PYGL: variants seen among roughly 807,000 people sequenced by gnomAD.
The protein encoded by PYGL is glycogen phosphorylase, liver form.
Under a neutral mutation model 100.1 loss-of-function variants are expected in PYGL, and 90 were observed. The observed-to-expected ratio is 0.90, with a 90% confidence interval of 0.76 to 1.07. The LOEUF is 1.07. Among genes scored for constraint, PYGL ranks in the 50% least tolerant of loss-of-function variants. PYGL has a pLI of 0.00. For synonymous variants in PYGL, 373 were observed against 393.0 expected, an observed-to-expected ratio of 0.95 and a Z score of 0.60; for missense variants, 1,016 against 1,057.6, an observed-to-expected ratio of 0.96 and a Z score of 0.55.
At chr14:50,920,901 C>G (rs1461135322) in intron 6 of PYGL, 55 bp downstream of exon 6, 1 of 1,512,600 alleles carries the variant, frequency 6.6e-7, no homozygotes, top group African/African-American at 1.4e-5. Flanking sequence ...TTCTAACTAC[C>G]AATCAAAAAG....
chr14:50,929,035 T>TTTATC, intron 4 of PYGL, among the ~76,000 whole-genome samples: 1 of 152,168 alleles, frequency 6.6e-6, no homozygotes. Context: ...TTTATTTTCT[T>TTTATC]TTATCTTATT....
chr14:50,908,913 C>T lies in PYGL; in HGVS notation c.2220G>A (p.Lys740=). 8 of 1,552,882 alleles carry T rather than the reference C, an allele frequency of 5.2e-6. No individual in the cohort carries two copies. The highest frequency in any genetic ancestry group is 7.0e-6 in the Non-Finnish European group (8 of 1,139,006). The stretch of plus-strand genomic sequence containing the variant: ...CATTGTCAATTTGATCAATGACCAG[C>T]TTCAGCTCTGGAAGTGCCTCATAGT... ...KEYYEALPEL[K]LVIDQIDNGF... The change falls in exon 18 of 20, where the codon AAG becomes AAA. Residue 740 remains lysine, a synonymous_variant. Coordinates refer to ENST00000216392, the MANE Select transcript of PYGL (RefSeq NM_002863.5).
Position 50,908,327 on chromosome 14 carries a change from A to G in PYGL, c.2323T>C (p.Phe775Leu), listed in dbSNP as rs780818141. Reference protein sequence around the residue: ...MLFYHDRFKVFADYEAYVKCQ... With the variant: ...MLFYHDRFKVLADYEAYVKCQ... Reference sequence around the variant, plus strand: ...TTGACATAGGCTTCGTAGTCTGCAAAGACTTTAAACCTTTTATTTTGTGAG... The same window carrying G: ...TTGACATAGGCTTCGTAGTCTGCAAGGACTTTAAACCTTTTATTTTGTGAG... The change falls in exon 19 of 20, where the codon TTT becomes CTT. Residue 775 changes from phenylalanine (F) to leucine (L), a missense_variant. Coordinates refer to ENST00000216392, the MANE Select transcript of PYGL (RefSeq NM_002863.5). 6.3e-7 allele frequency: 1 copy of G among 1,599,404 alleles called. No homozygotes were observed. Among genetic ancestry groups the G allele is most frequent in the South Asian group, 1.1e-5 (1 of 90,808 alleles).
At chr14:50,940,693 C>G (rs1166591164) in intron 1 of PYGL, among the ~76,000 whole-genome samples, 1 of 152,004 alleles carries the variant, frequency 6.6e-6, no homozygotes, top group Non-Finnish European at 1.5e-5. Context: ...ATGAGCATCT[C>G]CAATATACTT....
intron 7 of PYGL, among the ~76,000 whole-genome samples, chr14:50,919,069 C>A (rs1416341429): frequency 6.6e-6 from 1 of 152,182 alleles, no homozygotes; most frequent in Non-Finnish European, 1.5e-5. Context: ...AAACATGATC[C>A]TGAGAACTCC....
In PYGL at chr14:50,923,837, A is replaced by G. The variant is rs572371043; in HGVS notation, c.660+132T>C. On this transcript the variant is annotated intron_variant, in intron 5 of 19. Transcript: ENST00000216392. ...TAAGAGAAGTAACAGATTTATTTAC[A>G]AAAATATATTCTATTATTCAAAACA... is the stretch of plus-strand genomic sequence containing the variant. 1.0e-5 allele frequency: 12 copies of G among 1,187,188 alleles called. No homozygotes were observed. In the African/African-American group the frequency reaches 1.8e-4, roughly 18 times the overall value. The allele number at this position is 1,187,188 out of a possible 1,614,324, so 73.5% of individuals were successfully genotyped here.
chr14:50,914,657 G>C (rs2050428551), intron 12 of PYGL, 44 bp downstream of exon 12: 1 of 1,475,518 alleles, frequency 6.8e-7, no homozygotes. Context: ...TATGCCTCTT[G>C]CATTCGAGTC....
chr14:50,942,436 C>T (rs1276624928), intron 1 of PYGL, among the ~76,000 whole-genome samples: 1 of 140,136 alleles, frequency 7.1e-6, no homozygotes, highest in Non-Finnish European at 1.6e-5. Flanking sequence ...TGCTCAGTGT[C>T]CCACCCTTCC....
chr14:50,941,236 G>A (rs1244269332), intron 1 of PYGL, among the ~76,000 whole-genome samples: 1 of 152,178 alleles, frequency 6.6e-6, no homozygotes, highest in Non-Finnish European at 1.5e-5. Flanking sequence ...TGTAATTGAG[G>A]TCACATAAAA....
chr14:50,929,217 A>G (rs1303833555), intron 4 of PYGL, among the ~76,000 whole-genome samples: 1 of 151,850 alleles, frequency 6.6e-6, no homozygotes, highest in Non-Finnish European at 1.5e-5. Context: ...CTCCTGGCCA[A>G]TTTTTGTATT....
At position 50,914,684 on chromosome 14, in the gene PYGL, C is replaced by T. The variant is rs913018075; in HGVS notation, c.1518+17G>A. On this transcript the variant is annotated intron_variant, in intron 12 of 19. Transcript: ENST00000216392. ...ATTCGAGTCAGGCCTCCTTTCCTCTCAGCACTTCCCAGTTACCTCTGCTAT... is the reference window on the plus strand; with the variant it reads ...ATTCGAGTCAGGCCTCCTTTCCTCTTAGCACTTCCCAGTTACCTCTGCTAT... 4 of 1,592,462 alleles carry T rather than the reference C, an allele frequency of 2.5e-6. No homozygotes were observed. Among genetic ancestry groups the T allele is most frequent in the Non-Finnish European group, 3.4e-6 (4 of 1,160,692 alleles).
chr14:50,937,907 T>C, intron 1 of PYGL, 70 bp from the exon 2 acceptor site: 5 of 1,337,672 alleles, frequency 3.7e-6, no homozygotes, highest in Non-Finnish European at 5.3e-6. Context: ...AAACACAAGG[T>C]CATGTGTTAG....
Position 50,921,138 on chromosome 14 carries a change from G to A in PYGL, c.661-71C>T, listed in dbSNP as rs978986101. ...ATGACATAGGTTGAACAAGGGGCTG[G>A]GAGACTGCAATGGAATTCTATTCCT... On this transcript the variant is annotated intron_variant, in intron 5 of 19. Coordinates refer to ENST00000216392, the MANE Select transcript of PYGL (RefSeq NM_002863.5). 9.0e-6 allele frequency: 11 copies of A among 1,219,188 alleles called. No homozygotes were observed. The African/African-American group carries it at 1.6e-4, about 18-fold the overall frequency. 75.5% of individuals were successfully genotyped at this position (1,219,188 alleles called of 1,614,324 possible). A position where few individuals can be genotyped will look rare whatever the true frequency, so the allele number is the denominator to read the frequency against.
intron 1 of PYGL, among the ~76,000 whole-genome samples, chr14:50,940,666 G>A (rs1393378415): frequency 6.6e-6 from 1 of 152,052 alleles, no homozygotes; most frequent in African/African-American, 2.4e-5. Flanking sequence ...TGTTACATAT[G>A]ACTGATAGTA....
chr14:50,941,437 G>C (rs2050701012), intron 1 of PYGL, among the ~76,000 whole-genome samples: 1 of 152,184 alleles, frequency 6.6e-6, no homozygotes, highest in Non-Finnish European at 1.5e-5. Flanking sequence ...TGGGTAGCTA[G>C]AGCCTCACCA....
chr14:50,926,969 C>A lies in PYGL; in HGVS notation c.529-2869G>T, dbSNP rs73286812. 4.2e-3 allele frequency among the ~76,000 whole-genome samples: 635 copies of A among 152,204 alleles called. 4 individuals carry two copies. The highest frequency in any genetic ancestry group is 0.015 in the African/African-American group (615 of 41,528). On this transcript the variant is annotated intron_variant, in intron 4 of 19. Coordinates refer to ENST00000216392, the MANE Select transcript of PYGL (RefSeq NM_002863.5). ...GTTTGCCTCATTTCAGCATGCAGGG[C>A]TGTTGTAAAACCCATCTGAAGGTAT...
intron 5 of PYGL, among the ~76,000 whole-genome samples, chr14:50,922,432 A>C (rs1306040459): frequency 6.6e-6 from 1 of 152,248 alleles, no homozygotes; most frequent in African/African-American, 2.4e-5. Flanking sequence ...AAGAGATAAA[A>C]GTCTCTGGAC....
chr14:50,915,825 A>G lies in PYGL; in HGVS notation c.1239T>C (p.Asp413=), dbSNP rs765994166. 3.7e-6 allele frequency: 6 copies of G among 1,613,816 alleles called. No homozygotes were observed. Among genetic ancestry groups the G allele is most frequent in the Non-Finnish European group, 5.1e-6 (6 of 1,179,828 alleles). Residue 413 remains aspartate, a splice_region_variant and synonymous_variant, in exon 10 of 20, where the codon GAT becomes GAC. Transcript: ENST00000216392. The stretch of plus-strand genomic sequence containing the variant: ...GAGAAAATCTCTCAAAATGACTTAC[A>G]TCTAAATGCTTCTGATTTATCTCAT... ...IIYEINQKHL[D]RIVALFPKDV...
intron 4 of PYGL, among the ~76,000 whole-genome samples, chr14:50,925,379 G>A (rs2050538470): frequency 6.6e-6 from 1 of 152,170 alleles, no homozygotes; most frequent in Admixed American, 6.5e-5. Flanking sequence ...AAATGGAATT[G>A]TGTTCTGGCC....
Sources: allele counts gnomAD v4.1 joint callset (sites outside exome capture counted in the v4.1 genomes callset), GRCh38; gene constraint gnomAD v4.1.1; transcripts MANE v1.5; gene names NCBI Gene and HGNC (gene_info 2026-07-23, HGNC 2026-07-21).